HIVEP3: variants seen among roughly 807,000 people sequenced by gnomAD.
The protein encoded by HIVEP3 is transcription factor HIVEP3.
HIVEP3 carries 49 observed loss-of-function variants against 152.8 expected under a neutral mutation model. That is an observed-to-expected ratio of 0.32 (90% confidence interval 0.26 to 0.41). The LOEUF is 0.41. Ranked by LOEUF, HIVEP3 falls within the 10% of genes least tolerant of loss-of-function variation. The pLI is 1.00. For missense variants in HIVEP3, 2,790 were observed against 3,103.3 expected, an observed-to-expected ratio of 0.90 and a Z score of 2.40; for synonymous variants, 1,269 against 1,289.0, an observed-to-expected ratio of 0.98 and a Z score of 0.33.
chr1:41,963,775 T>G (rs1645182443), intron 1 of HIVEP3, among the ~76,000 whole-genome samples: 1 of 152,216 alleles, frequency 6.6e-6, no homozygotes, highest in Non-Finnish European at 1.5e-5. Context: ...CTTTGGGATG[T>G]AAGCAGATAA....
intron 1 of HIVEP3, among the ~76,000 whole-genome samples, chr1:41,856,844 G>C (rs1643781697): frequency 2.0e-5 from 3 of 152,134 alleles, no homozygotes; most frequent in Admixed American, 2.0e-4. Flanking sequence ...GAACACTATC[G>C]GCAGGAACAC....
At chr1:41,638,563 A>G (rs1412921333) in intron 2 of HIVEP3, among the ~76,000 whole-genome samples, 1 of 152,236 alleles carries the variant, frequency 6.6e-6, no homozygotes, top group Non-Finnish European at 1.5e-5. Context: ...ATTTTACCAT[A>G]ATAAAAATTG....
chr1:41,954,610 G>T (rs1645129619), intron 1 of HIVEP3, among the ~76,000 whole-genome samples: 1 of 152,242 alleles, frequency 6.6e-6, no homozygotes, highest in Non-Finnish European at 1.5e-5. Context: ...CATGGCCATT[G>T]TGAGTCAAAA....
Position 41,662,400 on chromosome 1 carries a change from A to T in HIVEP3, c.-720-33453T>A, listed in dbSNP as rs1269525395. The T allele has an allele frequency of 6.7e-6, 1 of 149,724 alleles. No homozygotes were observed. The highest frequency in any genetic ancestry group is 1.5e-5 in the Non-Finnish European group (1 of 67,388). 9.3% of individuals were successfully genotyped at this position (149,724 alleles called of 1,614,324 possible). ...CCGCTTGGAAGCTCCTTATTTGGGC[A>T]GTGATGTCAGGGGAAGTCGCAGGGG... On this transcript the variant is annotated intron_variant, in intron 2 of 8. Transcript: ENST00000372583. The surrounding 1 kb of genome is among the most constrained non-coding windows in gnomAD (Gnocchi z 7.2).
intron 1 of HIVEP3, among the ~76,000 whole-genome samples, chr1:41,987,168 GT>G (rs1645328603): frequency 6.6e-6 from 1 of 152,166 alleles, no homozygotes; most frequent in Non-Finnish European, 1.5e-5. Flanking sequence ...TTACAAGATA[GT>G]GATAAATCTA....
chr1:41,773,403 G>C (rs1313341561), intron 1 of HIVEP3, among the ~76,000 whole-genome samples: 1 of 152,198 alleles, frequency 6.6e-6, no homozygotes, highest in African/African-American at 2.4e-5. Context: ...GTGCTGAAAT[G>C]ACTGTACTGG....
intron 1 of HIVEP3, among the ~76,000 whole-genome samples, chr1:41,713,805 G>A (rs1421515699): frequency 1.3e-5 from 2 of 152,244 alleles, no homozygotes; most frequent in Non-Finnish European, 2.9e-5. Context: ...GACCTGCCAT[G>A]CTGAGCTCTG....
Position 42,000,686 on chromosome 1 carries a change from G to T in HIVEP3, n.119+35121C>A, listed in dbSNP as rs114349782. 4.5e-3 allele frequency among the ~76,000 whole-genome samples: 686 copies of T among 152,302 alleles called. 5 individuals carry two copies. Among genetic ancestry groups the T allele is most frequent in the African/African-American group, 0.016 (667 of 41,568 alleles). ...TGACAGTTCTCCTGCAATATACAATGATGAGAAATATACTAAAGACACTTT... is the reference window on the plus strand; with the variant it reads ...TGACAGTTCTCCTGCAATATACAATTATGAGAAATATACTAAAGACACTTT... On this transcript the variant is annotated intron_variant and non_coding_transcript_variant, in intron 1 of 3. Transcript: ENST00000489103.
chr1:42,024,358 A>G (rs1221538445), intron 1 of HIVEP3, among the ~76,000 whole-genome samples: 2 of 151,896 alleles, frequency 1.3e-5, no homozygotes, highest in Admixed American at 6.6e-5. Flanking sequence ...CCATTCCTTT[A>G]TTTTCACTCT....
intron 2 of HIVEP3, among the ~76,000 whole-genome samples, chr1:41,677,415 C>T (rs757437402): frequency 1.3e-5 from 2 of 152,238 alleles, no homozygotes; most frequent in Admixed American, 1.3e-4. Flanking sequence ...CTCTGCCGTG[C>T]ACCAGCGGTG....
intron 1 of HIVEP3, among the ~76,000 whole-genome samples, chr1:41,746,692 C>T (rs1430438017): frequency 6.6e-6 from 1 of 152,158 alleles, no homozygotes; most frequent in African/African-American, 2.4e-5. Context: ...CCAAACTGCC[C>T]AGGTCTGCAG....
chr1:41,532,708 T>C (rs1044371231), intron 5 of HIVEP3, among the ~76,000 whole-genome samples: 5 of 152,102 alleles, frequency 3.3e-5, no homozygotes, highest in African/African-American at 1.2e-4. Context: ...TTGGCTCTAG[T>C]GGCACCACCC....
At chr1:41,944,145 T>C (rs1297635012) in intron 1 of HIVEP3, among the ~76,000 whole-genome samples, 1 of 152,216 alleles carries the variant, frequency 6.6e-6, no homozygotes, top group Non-Finnish European at 1.5e-5. Context: ...GGAGTTATTG[T>C]TTGATAAGTC....
Position 41,511,265 on chromosome 1 carries a change from T to C in HIVEP3, c.6407A>G (p.Gln2136Arg). The C allele has an allele frequency of 6.3e-7, 1 of 1,597,142 alleles. No homozygotes were observed. ...GGAGGGACTTCGGGACTCGGCCTTCTGCTGGGGTCAGAAAACAAGACAAGG... is the reference window on the plus strand; with the variant it reads ...GGAGGGACTTCGGGACTCGGCCTTCCGCTGGGGTCAGAAAACAAGACAAGG... The part of the protein sequence containing the change: ...RSPETCASPW[Q>R]KAESRSPSCS... The change falls in exon 9 of 9, where the codon CAG (glutamine) becomes CGG (arginine). Residue 2136 changes from glutamine to arginine, a missense_variant and splice_region_variant. By Grantham distance (43) the Gln-to-Arg change is conservative (BLOSUM62 1). Transcript: ENST00000372583. This position sits in a 1 kb window ranked among gnomAD's most constrained non-coding sequence, Gnocchi z 4.9.
intron 2 of HIVEP3, among the ~76,000 whole-genome samples, chr1:41,689,467 C>T (rs868542550): frequency 1.4e-4 from 22 of 152,170 alleles, no homozygotes; most frequent in Non-Finnish European, 2.9e-4. Flanking sequence ...GGTGGGGAAA[C>T]CTCCTCCAGC....
intron 1 of HIVEP3, among the ~76,000 whole-genome samples, chr1:41,800,152 G>A (rs1650220215): frequency 2.6e-5 from 4 of 152,248 alleles, no homozygotes; most frequent in Admixed American, 2.6e-4. Context: ...GTAAATGAAA[G>A]AGGATATAGT....
chr1:41,635,631 T>TA (rs1212204799), intron 2 of HIVEP3, among the ~76,000 whole-genome samples: 1 of 70,590 alleles, frequency 1.4e-5, no homozygotes, highest in Non-Finnish European at 2.6e-5. Context: ...CATACGTATG[T>TA]ATATATACAT....
chr1:41,890,883 C>T (rs1644435956), intron 1 of HIVEP3, among the ~76,000 whole-genome samples: 1 of 152,218 alleles, frequency 6.6e-6, no homozygotes. Context: ...GCAGCTCTCC[C>T]ATTCCTTACT....
At chr1:41,799,463 T>C (rs1196508106) in intron 1 of HIVEP3, among the ~76,000 whole-genome samples, 1 of 152,184 alleles carries the variant, frequency 6.6e-6, no homozygotes, top group Non-Finnish European at 1.5e-5. Flanking sequence ...CTCTTTGAAA[T>C]GTCCCCAGCT....
Sources: gnomAD v4.1 joint callset for allele counts (sites outside exome capture counted in the v4.1 genomes callset) on GRCh38, gnomAD v4.1.1 for gene constraint, Gnocchi (gnomAD v3.1) non-coding constraint, MANE v1.5 for transcripts, NCBI Gene and HGNC (gene_info 2026-07-23, HGNC 2026-07-21) for gene names.